The following TMTC4 variants were observed in gnomAD, a reference collection of about 807,000 sequenced individuals.
The protein encoded by TMTC4 is transmembrane O-mannosyltransferase targeting cadherins 4, also known as protein O-mannosyl-transferase TMTC4.
TMTC4 carries 65 observed loss-of-function variants against 86.0 expected under a neutral mutation model. The ratio of observed to expected loss-of-function variants is 0.76; its 90% CI spans 0.62 to 0.93. TMTC4 has a LOEUF of 0.93. Among genes scored for constraint, TMTC4 ranks in the 40% least tolerant of loss-of-function variants. TMTC4 has a pLI of 0.00. For synonymous variants in TMTC4, 379 were observed against 382.5 expected, an observed-to-expected ratio of 0.99 and a Z score of 0.11; for missense variants, 866 against 948.1, an observed-to-expected ratio of 0.91 and a Z score of 1.14.
intron 5 of TMTC4, among the ~76,000 whole-genome samples, chr13:100,658,666 G>A (rs558667308): frequency 1.3e-5 from 2 of 152,320 alleles, no homozygotes; most frequent in Admixed American, 1.3e-4. Context: ...TGGGTGGCTA[G>A]TGTAGATTTG....
chr13:100,650,846 G>A (rs570893418), intron 6 of TMTC4, among the ~76,000 whole-genome samples: 83 of 152,360 alleles, frequency 5.4e-4, no homozygotes, highest in Non-Finnish European at 1.1e-3. Context: ...TATTTTATAA[G>A]CAGTGTGATT....
chr13:100,625,938 TA>T (rs1880442378), intron 13 of TMTC4, 46 bp from the exon 14 acceptor site: 1 of 1,600,926 alleles, frequency 6.2e-7, no homozygotes, highest in African/African-American at 1.3e-5. Context: ...TGCTCAATAG[TA>T]AGTTTTTACT....
chr13:100,674,355 C>A, intron 1 of TMTC4: 1 of 976,980 alleles, frequency 1.0e-6, no homozygotes, highest in Non-Finnish European at 1.2e-6. Context: ...GGCCCCGCGG[C>A]CAGATGGCCG....
At chr13:100,653,081 GTAT>G (rs1291997657) in intron 6 of TMTC4, among the ~76,000 whole-genome samples, 5 of 152,082 alleles carry the variant, frequency 3.3e-5, no homozygotes, top group Non-Finnish European at 7.4e-5. Flanking sequence ...CTCTGTAAAG[GTAT>G]TATTAATTTG....
intron 7 of TMTC4, among the ~76,000 whole-genome samples, chr13:100,641,109 C>T (rs980812693): frequency 6.6e-6 from 1 of 151,950 alleles, no homozygotes; most frequent in Non-Finnish European, 1.5e-5. Flanking sequence ...AAACAATGTA[C>T]CCCAAGAGAA....
intron 15 of TMTC4, among the ~76,000 whole-genome samples, chr13:100,619,858 T>C (rs554704611): frequency 2.0e-4 from 30 of 152,368 alleles, no homozygotes; most frequent in South Asian, 4.1e-4. Context: ...TTTGAGTCAC[T>C]TGGACAAAAT....
intron 12 of TMTC4, among the ~76,000 whole-genome samples, chr13:100,628,942 A>G (rs1880941981): frequency 6.6e-6 from 1 of 152,144 alleles, no homozygotes; most frequent in Non-Finnish European, 1.5e-5. Context: ...TGAGGTCAGG[A>G]GTTCGAGACC....
chr13:100,665,874 A>G (rs1447979268), intron 3 of TMTC4: 1 of 360,382 alleles, frequency 2.8e-6, no homozygotes, highest in African/African-American at 2.1e-5. Flanking sequence ...CCAGGAGCAC[A>G]CTGACCACTC....
chr13:100,668,839 G>A, intron 2 of TMTC4, 45 bp from the exon 3 acceptor site: 2 of 1,592,636 alleles, frequency 1.3e-6, no homozygotes, highest in African/African-American at 1.3e-5. Context: ...AACACTGGTA[G>A]GACCGTTTCT....
At chr13:100,671,089 G>A (rs563346715) in intron 1 of TMTC4, among the ~76,000 whole-genome samples, 1 of 152,362 alleles carries the variant, frequency 6.6e-6, no homozygotes, top group Admixed American at 6.5e-5. Context: ...GCACAATAGA[G>A]TCATGAGCTG....
intron 15 of TMTC4, among the ~76,000 whole-genome samples, chr13:100,621,084 T>C (rs962563225): frequency 1.3e-5 from 2 of 152,200 alleles, no homozygotes; most frequent in Non-Finnish European, 2.9e-5. Context: ...CCAAAAGCAG[T>C]ACAAGGTCTC....
chr13:100,665,473 G>T (rs1039290575), intron 3 of TMTC4, among the ~76,000 whole-genome samples: 1 of 152,222 alleles, frequency 6.6e-6, no homozygotes, highest in African/African-American at 2.4e-5. Flanking sequence ...GGCCTGGAAA[G>T]CCAGGGCAGG....
intron 1 of TMTC4, chr13:100,674,306 C>T (rs1887544524): frequency 1.0e-6 from 1 of 979,118 alleles, no homozygotes; most frequent in South Asian, 4.7e-5. Flanking sequence ...CTGTGTCCAG[C>T]CATCGCCTGC....
intron 17 of TMTC4, 99 bp downstream of exon 17, chr13:100,612,299 T>C (rs1877714344): frequency 1.1e-6 from 1 of 941,776 alleles, no homozygotes; most frequent in East Asian, 2.5e-5. Context: ...TGCCACTGTT[T>C]TGGCCTGATT....
chr13:100,655,338 T>C (rs893892270), intron 6 of TMTC4, among the ~76,000 whole-genome samples: 1 of 152,222 alleles, frequency 6.6e-6, no homozygotes, highest in Non-Finnish European at 1.5e-5. Context: ...CTCCTAATTT[T>C]AAATTTTCTT....
At chr13:100,615,707 C>T (rs989799827) in intron 15 of TMTC4, among the ~76,000 whole-genome samples, 2 of 152,118 alleles carry the variant, frequency 1.3e-5, no homozygotes, top group African/African-American at 4.8e-5. Flanking sequence ...CCCACCTTGG[C>T]ATCCCACAGT....
intron 12 of TMTC4, 46 bp from the exon 13 acceptor site, chr13:100,626,196 T>G: frequency 6.3e-7 from 1 of 1,583,562 alleles, no homozygotes; most frequent in Non-Finnish European, 8.7e-7. Context: ...GACTTCTTGT[T>G]CAGAGCCTGG....
At chr13:100,623,640 G>GTTTTTTTTTTTTTTTTTT (rs71200708) in intron 15 of TMTC4, among the ~76,000 whole-genome samples, 1 of 96,166 alleles carries the variant, frequency 1.0e-5, no homozygotes, top group African/African-American at 3.4e-5. Context: ...TACTAGTTGG[G>GTTTTTTTTTTTTTTTTTT]TTTTGTTTTT....
chr13:100,625,983 T>C lies in TMTC4; in HGVS notation c.1586+88A>G, dbSNP rs547334018. On this transcript the variant is annotated intron_variant, in intron 13 of 18. Transcript: ENST00000342624. Reference sequence around the variant, plus strand: ...AGGAATCGGTAAAGATATTGTAAAGTTGGGGTCTTTAAAGGAACAGGTGTT... The same window carrying C: ...AGGAATCGGTAAAGATATTGTAAAGCTGGGGTCTTTAAAGGAACAGGTGTT... 2.0e-4 allele frequency: 317 copies of C among 1,595,620 alleles called. 3 individuals carry two copies. The South Asian group carries it at 3.3e-3, about 16-fold the overall frequency.
Sources: gnomAD v4.1 joint callset for allele counts (sites outside exome capture counted in the v4.1 genomes callset) on GRCh38, gnomAD v4.1.1 for gene constraint, MANE v1.5 for transcripts, NCBI Gene and HGNC (gene_info 2026-07-23, HGNC 2026-07-21) for gene names.